The following KDM4C variants were observed in gnomAD, a reference collection of about 807,000 sequenced individuals.
The protein encoded by KDM4C is lysine-specific demethylase 4C.
KDM4C carries 81 observed loss-of-function variants against 129.3 expected under a neutral mutation model. The observed-to-expected ratio is 0.63, with a 90% CI of 0.52 to 0.75. KDM4C has a LOEUF of 0.75. Ranked by LOEUF, KDM4C falls within the 30% of genes least tolerant of loss-of-function variation. The pLI is 0.00. For missense variants in KDM4C, 1,457 were observed against 1,304.0 expected (o/e 1.12, Z -1.81); for synonymous variants, 573 against 456.1 (o/e 1.26, Z -3.26).
chr9:6,892,947 A>T, intron 7 of KDM4C, 148 bp from the exon 8 acceptor site: 1 of 496,250 alleles, frequency 2.0e-6, no homozygotes, highest in Non-Finnish European at 3.2e-6. Context: ...TTAAAGGATT[A>T]AGTAATGAAT....
intron 19 of KDM4C, 122 bp from the exon 20 acceptor site, chr9:7,165,116 A>G (rs1844239790): frequency 2.5e-6 from 3 of 1,179,258 alleles, no homozygotes; most frequent in African/African-American, 1.5e-5. Context: ...ATGCGAGATC[A>G]TAATCCATAA....
chr9:6,881,003 G>C (rs116466393), intron 6 of KDM4C, among the ~76,000 whole-genome samples: 1 of 152,190 alleles, frequency 6.6e-6, no homozygotes, highest in East Asian at 1.9e-4. Context: ...CTTTATCCAG[G>C]ATTGAGTCCT....
At chr9:6,862,185 A>C (rs1841059887) in intron 5 of KDM4C, among the ~76,000 whole-genome samples, 1 of 152,118 alleles carries the variant, frequency 6.6e-6, no homozygotes, top group Non-Finnish European at 1.5e-5. Context: ...TGGTTAAAAA[A>C]CTGAGTGGTT....
At chr9:7,090,089 C>T (rs1467761282) in intron 17 of KDM4C, among the ~76,000 whole-genome samples, 1 of 152,232 alleles carries the variant, frequency 6.6e-6, no homozygotes, top group Non-Finnish European at 1.5e-5. Context: ...CCAGCTCCCT[C>T]ATTACACAGA....
Position 7,174,940 on chromosome 9 carries a change from G to A in KDM4C, c.*211G>A, listed in dbSNP as rs1845310327. Reference sequence around the variant, plus strand: ...GCAATCTGAAATCATCTCTAGTCTTGCTTTCACTTGTGAGCAGTTGTCTTC... The same window carrying A: ...GCAATCTGAAATCATCTCTAGTCTTACTTTCACTTGTGAGCAGTTGTCTTC... On this transcript the variant is annotated 3_prime_UTR_variant, in exon 22 of 22. Coordinates refer to ENST00000381309, the MANE Select transcript of KDM4C (RefSeq NM_015061.6). The A allele has an allele frequency of 4.3e-6, 2 of 464,450 alleles. No individual in the cohort carries two copies. Among genetic ancestry groups the A allele is most frequent in the South Asian group, 8.9e-5 (2 of 22,466 alleles). 28.8% of individuals were successfully genotyped at this position (464,450 alleles called of 1,614,324 possible).
At chr9:6,937,172 C>T (rs62533821) in intron 8 of KDM4C, among the ~76,000 whole-genome samples, 38,967 of 151,996 alleles carry the variant, frequency 0.26, 5,443 homozygotes, top group South Asian at 0.4. Flanking sequence ...AAGAACCTCC[C>T]GAAGTGCTAG....
intron 3 of KDM4C, among the ~76,000 whole-genome samples, chr9:6,812,574 A>G (rs533190616): frequency 2.3e-4 from 35 of 152,288 alleles, no homozygotes; most frequent in Admixed American, 1.2e-3. Context: ...ACAGTTCACA[A>G]CAGGGTTCAT....
At chr9:6,865,974 C>T (rs1481644194) in intron 5 of KDM4C, among the ~76,000 whole-genome samples, 1 of 152,068 alleles carries the variant, frequency 6.6e-6, no homozygotes, top group African/African-American at 2.4e-5. Flanking sequence ...AGGATGGTCT[C>T]GATCTCCTGA....
At chr9:7,073,270 A>G (rs1833456120) in intron 17 of KDM4C, among the ~76,000 whole-genome samples, 2 of 152,198 alleles carry the variant, frequency 1.3e-5, no homozygotes, top group South Asian at 2.1e-4. Flanking sequence ...TACAGTTTCT[A>G]TTGCTTTTTC....
In KDM4C at chr9:6,893,073, TTA is replaced by T. The variant is rs1443272024; in HGVS notation, c.784-18_784-17del. On this transcript the variant is annotated intron_variant, in intron 7 of 21. Transcript: ENST00000381309. ...TAGGAAGTCTTATTTTTACAAAATATTATATGTTTCCTACCTTGCAGATAACC... is the reference window on the plus strand; with the variant it reads ...TAGGAAGTCTTATTTTTACAAAATATTATGTTTCCTACCTTGCAGATAACC... 1 of 1,467,980 alleles carries T rather than the reference TTA, an allele frequency of 6.8e-7. No individual in the cohort carries two copies. Among genetic ancestry groups the T allele is most frequent in the Non-Finnish European group, 9.1e-7 (1 of 1,103,106 alleles). The allele number at this position is 1,467,980 out of a possible 1,614,324, so 90.9% of individuals were successfully genotyped here.
At chr9:7,067,180 A>G (rs751197292) in intron 17 of KDM4C, among the ~76,000 whole-genome samples, 1 of 152,212 alleles carries the variant, frequency 6.6e-6, no homozygotes, top group Non-Finnish European at 1.5e-5. Flanking sequence ...AACTCCATTT[A>G]TCTTAGTGAT....
At chr9:6,776,148 G>A (rs1200301638) in intron 1 of KDM4C, among the ~76,000 whole-genome samples, 2 of 152,142 alleles carry the variant, frequency 1.3e-5, no homozygotes, top group Admixed American at 6.5e-5. Flanking sequence ...GTAGTGGTGC[G>A]ATCGTAGCTC....
chr9:7,075,627 T>C (rs989299410), intron 17 of KDM4C, among the ~76,000 whole-genome samples: 1 of 152,142 alleles, frequency 6.6e-6, no homozygotes, highest in Non-Finnish European at 1.5e-5. Flanking sequence ...CCTCACCACA[T>C]GCAGATGCCC....
intron 19 of KDM4C, among the ~76,000 whole-genome samples, chr9:7,130,171 A>C (rs1005651712): frequency 6.6e-6 from 1 of 152,232 alleles, no homozygotes; most frequent in Non-Finnish European, 1.5e-5. Flanking sequence ...GGCAAAAGAC[A>C]GAAGACCTTT....
At chr9:7,031,422 A>G (rs1357359247) in intron 15 of KDM4C, among the ~76,000 whole-genome samples, 3 of 152,100 alleles carry the variant, frequency 2.0e-5, no homozygotes, top group Admixed American at 2.0e-4. Context: ...TGGCCTCCCA[A>G]AGTGCTGGGA....
chr9:7,166,314 C>T lies in KDM4C; in HGVS notation c.2901+957C>T, dbSNP rs141915782. On this transcript the variant is annotated intron_variant, in intron 20 of 21. Coordinates refer to ENST00000381309, the MANE Select transcript of KDM4C (RefSeq NM_015061.6). ...TGGAAGAGTGCATTGTAAGATACTG[C>T]GTCAGGACCTGGAGCACAGTGTAAT... Among the ~76,000 whole-genome samples the T allele has an allele frequency of 1.6e-3, 246 of 152,218 alleles. 4 individuals are homozygous for T. The highest frequency in any genetic ancestry group is 2.8e-3 in the Non-Finnish European group (193 of 68,018).
chr9:7,030,249 G>A (rs1046261498), intron 15 of KDM4C, among the ~76,000 whole-genome samples: 1 of 152,024 alleles, frequency 6.6e-6, no homozygotes, highest in African/African-American at 2.4e-5. Context: ...ACCTAGAGGT[G>A]GTGGGTAAGA....
chr9:6,723,307 G>A (rs147633782), intron 1 of KDM4C, among the ~76,000 whole-genome samples: 43 of 152,018 alleles, frequency 2.8e-4, no homozygotes, highest in African/African-American at 9.4e-4. Flanking sequence ...CCTGGGAGGC[G>A]GAGGTTGCAG....
chr9:6,803,443 A>G (rs1488669292), intron 2 of KDM4C, among the ~76,000 whole-genome samples: 1 of 151,678 alleles, frequency 6.6e-6, no homozygotes, highest in Non-Finnish European at 1.5e-5. Context: ...GGTGGTGCGC[A>G]CCTGTAGTCC....
Sources: allele counts gnomAD v4.1 joint callset (sites outside exome capture counted in the v4.1 genomes callset), GRCh38; gene constraint gnomAD v4.1.1; transcripts MANE v1.5; gene names NCBI Gene and HGNC (gene_info 2026-07-23, HGNC 2026-07-21).